FTO: variants seen among roughly 807,000 people sequenced by gnomAD.
FTO encodes FTO alpha-ketoglutarate dependent dioxygenase, also known as alpha-ketoglutarate-dependent dioxygenase FTO.
Under a neutral mutation model 63.9 loss-of-function variants are expected in FTO, and 47 were observed. That is an observed-to-expected ratio of 0.74 (90% CI 0.58 to 0.94). FTO has a LOEUF of 0.94. Ranked by LOEUF, FTO falls within the 40% of genes least tolerant of loss-of-function variation. The pLI is 0.00. For synonymous variants in FTO, 207 were observed against 224.4 expected, an observed-to-expected ratio of 0.92 and a Z score of 0.69; for missense variants, 562 against 618.1, an observed-to-expected ratio of 0.91 and a Z score of 0.96.
intron 8 of FTO, among the ~76,000 whole-genome samples, chr16:54,012,906 G>A (rs2084361719): frequency 6.6e-6 from 1 of 152,236 alleles, no homozygotes; most frequent in Admixed American, 6.5e-5. Flanking sequence ...AGCTCTGATG[G>A]AGATAAATGA....
chr16:53,721,380 TA>T lies in FTO; in HGVS notation c.45+17157del, dbSNP rs1326870734. ...GATTGATAACAAATTATAAAATTGA[TA>T]AAAAATATTTTCTATTTTTATACCA... is the stretch of plus-strand genomic sequence containing the variant. On this transcript the variant is annotated intron_variant, in intron 1 of 8. Coordinates refer to ENST00000471389, the MANE Select transcript of FTO (RefSeq NM_001080432.3). Among the ~76,000 whole-genome samples, 5 of 152,328 alleles carry T rather than the reference TA, an allele frequency of 3.3e-5. No homozygotes were observed. In the East Asian group the frequency reaches 9.6e-4, roughly 29 times the overall value.
intron 3 of FTO, among the ~76,000 whole-genome samples, chr16:53,837,466 A>T (rs185021105): frequency 2.6e-4 from 39 of 152,236 alleles, no homozygotes; most frequent in Admixed American, 2.4e-3. Context: ...GGCATCTGAG[A>T]GCGGCTTCTT....
chr16:54,070,091 G>A (rs529617435), intron 8 of FTO: 1 of 152,136 alleles, frequency 6.6e-6, no homozygotes, highest in African/African-American at 2.4e-5. Flanking sequence ...CTGGCATCTA[G>A]TAAGCAATCA....
At chr16:53,717,807 T>C (rs1229878152) in intron 1 of FTO, among the ~76,000 whole-genome samples, 1 of 152,148 alleles carries the variant, frequency 6.6e-6, no homozygotes, top group African/African-American at 2.4e-5. Context: ...TATTGACTTA[T>C]CTTTTACGTA....
At chr16:53,942,597 G>C (rs961528721) in intron 8 of FTO, among the ~76,000 whole-genome samples, 2 of 152,172 alleles carry the variant, frequency 1.3e-5, no homozygotes, top group Non-Finnish European at 2.9e-5. Flanking sequence ...CCAGTCTGTA[G>C]GCAGCTGTTT....
Position 53,948,509 on chromosome 16 carries a change from G to A in FTO, c.1364+14400G>A, listed in dbSNP as rs981488305. Among the ~76,000 whole-genome samples, 4 of 152,022 alleles carry A rather than the reference G, an allele frequency of 2.6e-5. No individual in the cohort carries two copies. In the South Asian group the frequency reaches 8.6e-4, roughly 33 times the overall value. On this transcript the variant is annotated intron_variant, in intron 8 of 8. Coordinates refer to ENST00000471389, the MANE Select transcript of FTO (RefSeq NM_001080432.3). Reference sequence around the variant, plus strand: ...TAGAACAATGTTACAAGGTCACAGAGGCAATACCCAGATTGTCTTCTGGTC... The same window carrying A: ...TAGAACAATGTTACAAGGTCACAGAAGCAATACCCAGATTGTCTTCTGGTC...
chr16:54,069,551 G>A (rs2085813121), intron 8 of FTO, among the ~76,000 whole-genome samples: 1 of 152,166 alleles, frequency 6.6e-6, no homozygotes, highest in Non-Finnish European at 1.5e-5. Flanking sequence ...TATCTGAGCA[G>A]TAGAATTGCA....
chr16:53,752,947 C>T (rs1434587428), intron 1 of FTO, among the ~76,000 whole-genome samples: 16 of 144,922 alleles, frequency 1.1e-4, no homozygotes, highest in African/African-American at 3.6e-4. Flanking sequence ...AAGAATCCTT[C>T]GTTGAGGGCT....
intron 8 of FTO, among the ~76,000 whole-genome samples, chr16:53,958,975 C>T (rs1195294925): frequency 6.6e-6 from 1 of 152,182 alleles, no homozygotes; most frequent in Non-Finnish European, 1.5e-5. Context: ...TGAACCCCTA[C>T]AAAAGCATCC....
intron 8 of FTO, among the ~76,000 whole-genome samples, chr16:54,009,318 T>C (rs1364329395): frequency 6.6e-6 from 1 of 152,194 alleles, no homozygotes; most frequent in Non-Finnish European, 1.5e-5. Flanking sequence ...AGTATTATTC[T>C]TACAACTTCT....
At position 53,826,139 on chromosome 16, in the gene FTO, C is replaced by T. The variant is rs547085092; in HGVS notation, c.399C>T (p.Ala133=). Reference sequence around the variant, plus strand: ...TAAAACACACCGAGGCTGAAATAGCCGCTGCTTGTGAGACCTTCCTCAAGC... The same window carrying T: ...TAAAACACACCGAGGCTGAAATAGCTGCTGCTTGTGAGACCTTCCTCAAGC... The part of the protein sequence containing the change: ...SNIKHTEAEI[A]AACETFLKLN... The change falls in exon 3 of 9, where the codon GCC becomes GCT. Residue 133 remains alanine (A), a synonymous_variant. Coordinates refer to ENST00000471389, the MANE Select transcript of FTO (RefSeq NM_001080432.3). 1.3e-5 allele frequency: 21 copies of T among 1,614,106 alleles called. No homozygotes were observed. The highest frequency in any genetic ancestry group is 8.3e-5 in the Admixed American group (5 of 60,008).
intron 1 of FTO, among the ~76,000 whole-genome samples, chr16:53,707,532 C>T (rs1213886435): frequency 2.0e-5 from 3 of 152,176 alleles, no homozygotes; most frequent in East Asian, 3.9e-4. Flanking sequence ...ATGCACTGCA[C>T]CCTTTTACAT....
chr16:53,891,019 C>T (rs9937917), intron 7 of FTO, among the ~76,000 whole-genome samples: 4,646 of 149,338 alleles, frequency 0.031, 243 homozygotes, highest in African/African-American at 0.11. Flanking sequence ...GAGACGGAGT[C>T]TTGCTCTGTT....
chr16:54,110,374 A>G (rs1428318771), intron 8 of FTO, among the ~76,000 whole-genome samples: 1 of 152,202 alleles, frequency 6.6e-6, no homozygotes, highest in Non-Finnish European at 1.5e-5. Context: ...ATTATTTATG[A>G]AGTGATGTGC....
intron 4 of FTO, among the ~76,000 whole-genome samples, chr16:53,862,390 AT>A (rs1567372810): frequency 6.6e-6 from 1 of 152,164 alleles, no homozygotes; most frequent in African/African-American, 2.4e-5. Context: ...CTGTTTGGAC[AT>A]TTGTAGTATT....
At chr16:53,869,887 A>T (rs1567380361) in intron 4 of FTO, among the ~76,000 whole-genome samples, 1 of 151,990 alleles carries the variant, frequency 6.6e-6, no homozygotes, top group East Asian at 1.9e-4. Flanking sequence ...GTTTTTTCAA[A>T]TTGTGTTTTT....
intron 1 of FTO, among the ~76,000 whole-genome samples, chr16:53,793,756 A>G (rs1326882488): frequency 6.6e-6 from 1 of 152,216 alleles, no homozygotes; most frequent in Non-Finnish European, 1.5e-5. Flanking sequence ...ACAAACAAAC[A>G]AAAATAAAAT....
intron 8 of FTO, among the ~76,000 whole-genome samples, chr16:54,019,376 A>G (rs2084534039): frequency 6.6e-6 from 1 of 152,222 alleles, no homozygotes; most frequent in African/African-American, 2.4e-5. Flanking sequence ...TGAGGCACCA[A>G]CAGTGCCTCC....
chr16:53,815,100 AG>A (rs2078637302), intron 2 of FTO, among the ~76,000 whole-genome samples: 1 of 151,938 alleles, frequency 6.6e-6, no homozygotes, highest in Non-Finnish European at 1.5e-5. Flanking sequence ...AGAGAGAGAG[AG>A]AGAGAGAGGC....
Sources: allele counts gnomAD v4.1 joint callset (sites outside exome capture counted in the v4.1 genomes callset), GRCh38; gene constraint gnomAD v4.1.1; transcripts MANE v1.5; gene names NCBI Gene and HGNC (gene_info 2026-07-23, HGNC 2026-07-21).